Variants in LCOR observed in about 807,000 individuals in gnomAD.
LCOR encodes ligand dependent nuclear receptor corepressor.
A neutral mutation model predicts 64.4 loss-of-function variants in LCOR; 14 were observed. The ratio of observed to expected loss-of-function variants is 0.22; its 90% CI spans 0.14 to 0.34. The LOEUF (loss-of-function observed/expected upper bound fraction) is 0.34. Among genes scored for constraint, LCOR ranks in the 10% least tolerant of loss-of-function variants. The pLI, the probability that LCOR is intolerant of heterozygous loss-of-function variation, is 1.00. For missense variants in LCOR, 1,686 were observed against 1,765.3 expected, an observed-to-expected ratio of 0.96 and a Z score of 0.80; for synonymous variants, 643 against 642.5, an observed-to-expected ratio of 1.00 and a Z score of -0.01.
At chr10:96,880,929 A>G (rs796837869) in intron 2 of LCOR, among the ~76,000 whole-genome samples, 10 of 152,370 alleles carry the variant, frequency 6.6e-5, no homozygotes, top group African/African-American at 2.4e-4. Context: ...AGAATCAAAT[A>G]TAACTAATAT....
At position 96,880,444 on chromosome 10, in the gene LCOR, C is replaced by G. The variant is rs559862991; in HGVS notation, c.-329-26821C>G. 2.0e-5 allele frequency among the ~76,000 whole-genome samples: 3 copies of G among 152,330 alleles called. No homozygotes were observed. In the South Asian group the frequency reaches 6.2e-4, roughly 32 times the overall value. On this transcript the variant is annotated intron_variant, in intron 2 of 7. Transcript: ENST00000421806. ...GAAGAGTCTCACTCTGTCATCCAGG[C>G]TGGAGTGCAGTAGTGCAGTCTTGGC...
intron 2 of LCOR, among the ~76,000 whole-genome samples, chr10:96,906,905 T>A (rs187231766): frequency 9.2e-5 from 14 of 152,350 alleles, no homozygotes; most frequent in African/African-American, 3.4e-4. Flanking sequence ...GTTGTGGAAA[T>A]TTTGAAGCAG....
chr10:96,832,312 G>T lies in LCOR; in HGVS notation c.-491G>T. The stretch of plus-strand genomic sequence containing the variant: ...GGGCGGGCGGCAGAAGATGGCGAGG[G>T]TGTGTAGGCGGCAGCAATGCTCCGT... On this transcript the variant is annotated 5_prime_UTR_variant, in exon 1 of 8. Coordinates refer to ENST00000421806, the MANE Select transcript of LCOR (RefSeq NM_001346516.2). 1 of 983,166 alleles carries T rather than the reference G, an allele frequency of 1.0e-6. No individual in the cohort carries two copies. Among genetic ancestry groups the T allele is most frequent in the Non-Finnish European group, 1.2e-6 (1 of 828,976 alleles). The allele number at this position is 983,166 out of a possible 1,614,324, so 60.9% of individuals were successfully genotyped here. A position where few individuals can be genotyped will look rare whatever the true frequency, so the allele number is the denominator to read the frequency against.
intron 4 of LCOR, among the ~76,000 whole-genome samples, chr10:96,920,603 T>TATTCATATATGTGTATATATGTATGTAC (rs1564626253): frequency 3.4e-5 from 5 of 146,864 alleles, no homozygotes; most frequent in East Asian, 2.0e-4. Context: ...TATGTATGTA[T>TATTCATATATGTGTATATATGTATGTAC]ATTCATATAT....
intron 2 of LCOR, among the ~76,000 whole-genome samples, chr10:96,873,618 T>TGTG (rs1554833547): frequency 2.3e-5 from 2 of 87,218 alleles, no homozygotes; most frequent in Non-Finnish European, 5.7e-5. Flanking sequence ...GTGTGTGTGT[T>TGTG]TTGAGACAGG....
chr10:96,908,478 T>C (rs1846768494), intron 4 of LCOR, among the ~76,000 whole-genome samples: 1 of 152,238 alleles, frequency 6.6e-6, no homozygotes, highest in Non-Finnish European at 1.5e-5. Flanking sequence ...TACTATGGTT[T>C]CTACTTTAAG....
intron 4 of LCOR, 76 bp from the exon 5 acceptor site, chr10:96,944,037 C>G: frequency 3.3e-6 from 3 of 919,312 alleles, no homozygotes; most frequent in Non-Finnish European, 3.9e-6. Flanking sequence ...TTGCTACTAA[C>G]TTTGATTTCG....
intron 4 of LCOR, among the ~76,000 whole-genome samples, chr10:96,929,396 T>C (rs995186478): frequency 6.6e-6 from 1 of 152,244 alleles, no homozygotes; most frequent in Non-Finnish European, 1.5e-5. Flanking sequence ...AGAGATGACT[T>C]CTTTTCCTTA....
intron 2 of LCOR, among the ~76,000 whole-genome samples, chr10:96,902,055 A>G (rs367914928): frequency 2.0e-5 from 3 of 151,246 alleles, no homozygotes; most frequent in South Asian, 2.1e-4. Flanking sequence ...ACTTAATTCT[A>G]TTTGGTAATT....
At position 96,949,064 on chromosome 10, in the gene LCOR, C is replaced by T. The variant is rs748060749; in HGVS notation, c.7C>T (p.Arg3Ter). 6.8e-6 allele frequency: 11 copies of T among 1,613,654 alleles called. No homozygotes were observed. Among genetic ancestry groups the T allele is most frequent in the African/African-American group, 1.3e-5 (1 of 74,974 alleles). ...CCTAGTGGCCCGTGAGATCATGCAG[C>T]GAATGATCCAACAATTTGCTGCTGA... MQ[R>*]MIQQFAAEYT... is the part of the protein sequence containing the mutation. Residue 3 changes from arginine (R) to a stop codon, truncating the protein, a stop_gained, in exon 6 of 8, where the codon CGA becomes TGA. Coordinates refer to ENST00000421806, the MANE Select transcript of LCOR (RefSeq NM_001346516.2). LOFTEE classifies it high-confidence loss of function.
chr10:96,852,027 C>T (rs1202848303), intron 2 of LCOR, among the ~76,000 whole-genome samples: 1 of 152,198 alleles, frequency 6.6e-6, no homozygotes, highest in Non-Finnish European at 1.5e-5. Context: ...ACATTGTCCA[C>T]ATGGGTGGCT....
chr10:96,980,742 G>A, intron 7 of LCOR, 51 bp from the exon 8 acceptor site: 3 of 617,732 alleles, frequency 4.9e-6, no homozygotes, highest in South Asian at 1.9e-5. Flanking sequence ...TGTAAAAATG[G>A]TTCTTTGGTA....
chr10:96,940,335 A>AAT (rs1847431745), intron 4 of LCOR, among the ~76,000 whole-genome samples: 1 of 23,096 alleles, frequency 4.3e-5, no homozygotes, highest in Admixed American at 4.9e-4. Flanking sequence ...TTTTTTTTTT[A>AAT]TTGATCATTC....
chr10:96,873,597 TGTGTGTGTGTG>T (rs1846113316), intron 2 of LCOR, among the ~76,000 whole-genome samples: 1 of 149,378 alleles, frequency 6.7e-6, no homozygotes, highest in Non-Finnish European at 1.5e-5. Context: ...TGTGTGTGTG[TGTGTGTGTGTG>T]TGTGTGTGTT....
intron 2 of LCOR, among the ~76,000 whole-genome samples, chr10:96,894,140 G>A (rs1301639594): frequency 6.6e-6 from 1 of 152,086 alleles, no homozygotes; most frequent in Non-Finnish European, 1.5e-5. Flanking sequence ...CACCCAGGCT[G>A]GAGTGCGGTG....
intron 2 of LCOR, among the ~76,000 whole-genome samples, chr10:96,904,681 C>T (rs747313877): frequency 5.9e-5 from 9 of 152,220 alleles, no homozygotes; most frequent in South Asian, 2.1e-4. Context: ...TTGAACATAA[C>T]GGCATGGCTG....
At chr10:96,837,378 C>T (rs1165001767) in intron 2 of LCOR, among the ~76,000 whole-genome samples, 1 of 152,094 alleles carries the variant, frequency 6.6e-6, no homozygotes, top group African/African-American at 2.4e-5. Context: ...GCCTCAGCCT[C>T]CCAAATAGCT....
chr10:96,849,978 A>G (rs1240809900), intron 2 of LCOR, among the ~76,000 whole-genome samples: 2 of 151,898 alleles, frequency 1.3e-5, no homozygotes, highest in Non-Finnish European at 1.5e-5. Context: ...AAGGGAAAGC[A>G]TTACTAGCAA....
intron 2 of LCOR, among the ~76,000 whole-genome samples, chr10:96,850,187 A>C (rs995648597): frequency 2.0e-4 from 31 of 152,318 alleles, no homozygotes; most frequent in African/African-American, 7.5e-4. Flanking sequence ...CCTTGATTAG[A>C]TCTTGAAAGA....
Sources: allele counts gnomAD v4.1 joint callset (sites outside exome capture counted in the v4.1 genomes callset), GRCh38; gene constraint gnomAD v4.1.1; transcripts MANE v1.5; gene names NCBI Gene and HGNC (gene_info 2026-07-23, HGNC 2026-07-21).